CTXND1: variants seen among roughly 807,000 people sequenced by gnomAD.
The protein encoded by CTXND1 is cortexin domain-containing 1 protein.
rs1378711514 is a variant in CTXND1, at chr15:80,238,559, A to T, written c.-218+13448T>A. Reference sequence around the variant, plus strand: ...GAGTGCAGTGGCGATTTCTCGGCTCACTGCAAGCTCCACCTCCCAGGTTCA... The same window carrying T: ...GAGTGCAGTGGCGATTTCTCGGCTCTCTGCAAGCTCCACCTCCCAGGTTCA... On this transcript the variant is annotated intron_variant, in intron 1 of 2. Transcript: ENST00000560778. Among the ~76,000 whole-genome samples the T allele has an allele frequency of 2.0e-5, 3 of 146,580 alleles. No homozygotes were observed. In the East Asian group the frequency reaches 6.0e-4, roughly 29 times the overall value.
intron 2 of CTXND1, among the ~76,000 whole-genome samples, chr15:80,202,458 C>T (rs1184783131): frequency 6.6e-6 from 1 of 152,154 alleles, no homozygotes; most frequent in Non-Finnish European, 1.5e-5. Context: ...TATATTTATA[C>T]ATGTATTTTA....
In CTXND1 at chr15:80,199,562, G is replaced by A. The variant is rs949102833; in HGVS notation, c.*2208C>T. On this transcript the variant is annotated 3_prime_UTR_variant, in exon 3 of 3. Transcript: ENST00000560778. ...AGGCTTCAGAGTGAGGGCTGCTGCTGCTGAACCTGAGGCAATGCACAAAAG... is the reference window on the plus strand; with the variant it reads ...AGGCTTCAGAGTGAGGGCTGCTGCTACTGAACCTGAGGCAATGCACAAAAG... 1.3e-5 allele frequency: 2 copies of A among 152,332 alleles called. No individual in the cohort carries two copies. 9.4% of individuals were successfully genotyped at this position (152,332 alleles called of 1,614,324 possible). A position where few individuals can be genotyped will look rare whatever the true frequency, so the allele number is the denominator to read the frequency against.
Position 80,198,515 on chromosome 15 carries a change from T to G in CTXND1, c.*3255A>C, listed in dbSNP as rs969244565. ...CACAACCCCAAAGTTCATCTTAGCT[T>G]GCCAGAAACGAGTTGAGACGCTCTG... On this transcript the variant is annotated 3_prime_UTR_variant, in exon 3 of 3. Coordinates refer to ENST00000560778, the MANE Select transcript of CTXND1 (RefSeq NM_001352888.2). 2.6e-5 allele frequency: 4 copies of G among 152,258 alleles called. No homozygotes were observed. The highest frequency in any genetic ancestry group is 9.6e-5 in the African/African-American group (4 of 41,460). The allele number at this position is 152,258 out of a possible 1,614,324, so 9.4% of individuals were successfully genotyped here.
chr15:80,227,788 A>C (rs1405905659), intron 1 of CTXND1, among the ~76,000 whole-genome samples: 1 of 152,230 alleles, frequency 6.6e-6, no homozygotes, highest in East Asian at 1.9e-4. Flanking sequence ...TAGTCGTTGA[A>C]GGCTACTAAC....
At chr15:80,205,615 ACT>A (rs1480839922) in intron 1 of CTXND1, among the ~76,000 whole-genome samples, 4 of 152,172 alleles carry the variant, frequency 2.6e-5, no homozygotes, top group Non-Finnish European at 4.4e-5. Context: ...TAGAAAACTG[ACT>A]CTCAGGCAAG....
At chr15:80,219,656 G>A (rs891398697) in intron 1 of CTXND1, among the ~76,000 whole-genome samples, 1 of 152,120 alleles carries the variant, frequency 6.6e-6, no homozygotes, top group Non-Finnish European at 1.5e-5. Flanking sequence ...CAGTACCTGG[G>A]AGCTCCTGCC....
At chr15:80,210,472 G>A (rs866067676) in intron 1 of CTXND1, among the ~76,000 whole-genome samples, 1 of 152,184 alleles carries the variant, frequency 6.6e-6, no homozygotes, top group Admixed American at 6.5e-5. Context: ...GGTAGGAAGA[G>A]AGGGACTTGC....
At chr15:80,211,757 T>C (rs1896428) in intron 1 of CTXND1, among the ~76,000 whole-genome samples, 135,834 of 152,194 alleles carry the variant, frequency 0.89, 60,852 homozygotes, top group African/African-American at 0.97. Flanking sequence ...GTATTTCTGC[T>C]GAGAGAATGC....
At chr15:80,237,758 C>T (rs541751266) in intron 1 of CTXND1, among the ~76,000 whole-genome samples, 1 of 152,114 alleles carries the variant, frequency 6.6e-6, no homozygotes, top group African/African-American at 2.4e-5. Flanking sequence ...CCTGTAATCC[C>T]AGCACTTTGG....
rs142057059 is a variant in CTXND1 at position 80,238,640 on chromosome 15, A to G, written c.-218+13367T>C. 2.7e-3 allele frequency among the ~76,000 whole-genome samples: 417 copies of G among 152,160 alleles called. 3 individuals carry two copies. Among genetic ancestry groups the G allele is most frequent in the African/African-American group, 9.6e-3 (397 of 41,522 alleles). On this transcript the variant is annotated intron_variant, in intron 1 of 2. Transcript: ENST00000560778. The stretch of plus-strand genomic sequence containing the variant: ...GCTAGGACTACAGGTGCCCGCCTCC[A>G]CGCCCAGCTAATTTTTAGTAGAAAT...
intron 1 of CTXND1, among the ~76,000 whole-genome samples, chr15:80,214,032 A>G (rs1224323729): frequency 6.6e-6 from 1 of 152,200 alleles, no homozygotes; most frequent in Non-Finnish European, 1.5e-5. Flanking sequence ...CTGTGTTTAT[A>G]TAGGTATAAA....
intron 1 of CTXND1, among the ~76,000 whole-genome samples, chr15:80,226,031 G>A (rs1443820211): frequency 6.6e-6 from 1 of 152,206 alleles, no homozygotes; most frequent in Non-Finnish European, 1.5e-5. Flanking sequence ...AGAGGATGAA[G>A]CAATAGGTGG....
rs1450096629 is a variant in CTXND1, at chr15:80,195,744, A to C, written c.*6026T>G. Reference sequence around the variant, plus strand: ...CAGATCTCAACACTGTTGCAATGGGAATCAAGTTTCCAACATATGAACTTT... The same window carrying C: ...CAGATCTCAACACTGTTGCAATGGGCATCAAGTTTCCAACATATGAACTTT... On this transcript the variant is annotated 3_prime_UTR_variant, in exon 3 of 3. Coordinates refer to ENST00000560778, the MANE Select transcript of CTXND1 (RefSeq NM_001352888.2). 1.3e-5 allele frequency: 2 copies of C among 152,212 alleles called. No homozygotes were observed. The highest frequency in any genetic ancestry group is 2.9e-5 in the Non-Finnish European group (2 of 68,050). The allele number at this position is 152,212 out of a possible 1,614,324, so 9.4% of individuals were successfully genotyped here. A position where few individuals can be genotyped will look rare whatever the true frequency, so the allele number is the denominator to read the frequency against.
chr15:80,203,203 C>T (rs1162310760), intron 2 of CTXND1, among the ~76,000 whole-genome samples: 1 of 152,196 alleles, frequency 6.6e-6, no homozygotes, highest in East Asian at 1.9e-4. Flanking sequence ...CCATACATAG[C>T]ATTCGTCCCT....
At chr15:80,249,365 C>G (rs1219687117) in intron 1 of CTXND1, among the ~76,000 whole-genome samples, 2 of 152,154 alleles carry the variant, frequency 1.3e-5, no homozygotes, top group Non-Finnish European at 2.9e-5. Flanking sequence ...GACAAGGGCA[C>G]TAGGAGTCAG....
chr15:80,244,492 A>G (rs1893607044), intron 1 of CTXND1, among the ~76,000 whole-genome samples: 1 of 152,216 alleles, frequency 6.6e-6, no homozygotes. Context: ...ACATGTGATG[A>G]GATCTCTAGT....
At chr15:80,208,449 C>A (rs916093765) in intron 1 of CTXND1, among the ~76,000 whole-genome samples, 1 of 152,184 alleles carries the variant, frequency 6.6e-6, no homozygotes, top group African/African-American at 2.4e-5. Context: ...AGATCAAGAC[C>A]TGATCCTGCT....
chr15:80,223,375 TG>T, intron 1 of CTXND1, among the ~76,000 whole-genome samples: 1 of 152,206 alleles, frequency 6.6e-6, no homozygotes, highest in East Asian at 1.9e-4. Context: ...TTCATATTTT[TG>T]CATGTATTAG....
At chr15:80,251,942 A>T (rs1893701648) in intron 1 of CTXND1, 65 bp downstream of exon 1, 1 of 151,740 alleles carries the variant, frequency 6.6e-6, no homozygotes, top group African/African-American at 2.4e-5. Context: ...CGGCACCGAC[A>T]ATGCTGTGCT....
Sources: gnomAD v4.1 joint callset for allele counts (sites outside exome capture counted in the v4.1 genomes callset) on GRCh38, gnomAD v4.1.1 for gene constraint, MANE v1.5 for transcripts, NCBI Gene and HGNC (gene_info 2026-07-23, HGNC 2026-07-21) for gene names.